The following CUEDC1 variants were observed in gnomAD, a reference collection of about 807,000 sequenced individuals.
CUEDC1 encodes the protein CUE domain-containing protein 1.
A neutral mutation model predicts 43.7 loss-of-function variants in CUEDC1; 30 were observed. The observed-to-expected ratio is 0.69, with a 90% CI of 0.51 to 0.93. The LOEUF (loss-of-function observed/expected upper bound fraction) is 0.93. Ranked by LOEUF, CUEDC1 falls within the 40% of genes least tolerant of loss-of-function variation. CUEDC1 has a pLI of 0.00. For synonymous variants in CUEDC1, 223 were observed against 223.6 expected (o/e 1.00, Z 0.02); for missense variants, 486 against 549.0 (o/e 0.89, Z 1.15).
Position 57,885,572 on chromosome 17 carries a change from AGCC to A in CUEDC1, c.-11_-9del, listed in dbSNP as rs2074279317. The A allele has an allele frequency of 1.1e-5, 15 of 1,349,780 alleles. No homozygotes were observed. Among genetic ancestry groups the A allele is most frequent in the Non-Finnish European group, 1.4e-5 (15 of 1,057,448 alleles). The allele number at this position is 1,349,780 out of a possible 1,614,324, so 83.6% of individuals were successfully genotyped here. On this transcript the variant is annotated 5_prime_UTR_variant, in exon 2 of 11. Transcript: ENST00000577830. ...GCGGAACAGGCTGGTCATTTTGCGG[AGCC>A]GCTTGGGGAAAATGTTTCTAGCCGG...
intron 1 of CUEDC1, among the ~76,000 whole-genome samples, chr17:57,901,786 A>C (rs1373235856): frequency 6.6e-6 from 1 of 152,252 alleles, no homozygotes; most frequent in Non-Finnish European, 1.5e-5. Flanking sequence ...GGATATGAGA[A>C]AACAGCATGA....
At chr17:57,944,456 C>T (rs1328229444) in intron 1 of CUEDC1, among the ~76,000 whole-genome samples, 1 of 152,108 alleles carries the variant, frequency 6.6e-6, no homozygotes, top group African/African-American at 2.4e-5. Context: ...GTGATCTGCC[C>T]GCCTTGGCCT....
At chr17:57,873,400 G>A (rs981534185) in intron 4 of CUEDC1, among the ~76,000 whole-genome samples, 191 bp downstream of exon 4, 3 of 152,184 alleles carry the variant, frequency 2.0e-5, no homozygotes, top group Admixed American at 2.0e-4. Flanking sequence ...GGATAGAACA[G>A]GAAACCTCCA....
At chr17:57,934,577 A>G (rs1455543714) in intron 1 of CUEDC1, among the ~76,000 whole-genome samples, 1 of 145,222 alleles carries the variant, frequency 6.9e-6, no homozygotes, top group African/African-American at 2.8e-5. Context: ...AAAAAAAAAA[A>G]AAAAAAAAAG....
chr17:57,947,791 A>G (rs1213062231), intron 1 of CUEDC1, among the ~76,000 whole-genome samples: 2 of 152,178 alleles, frequency 1.3e-5, no homozygotes. Context: ...TGAAAGAGCA[A>G]GACCCTGTCT....
At chr17:57,926,194 T>C (rs2074745696) in intron 1 of CUEDC1, among the ~76,000 whole-genome samples, 1 of 152,058 alleles carries the variant, frequency 6.6e-6, no homozygotes, top group Non-Finnish European at 1.5e-5. Flanking sequence ...AAATGCCAGT[T>C]CTCCAGGGGT....
chr17:57,867,482 C>T (rs1281742370), intron 8 of CUEDC1, 67 bp from the exon 9 acceptor site: 11 of 1,397,306 alleles, frequency 7.9e-6, no homozygotes, highest in Non-Finnish European at 1.1e-5. Context: ...CCCAGTCCCA[C>T]TGACTCTCTG....
At chr17:57,873,518 G>T in intron 4 of CUEDC1, 73 bp downstream of exon 4, 1 of 1,453,410 alleles carries the variant, frequency 6.9e-7, no homozygotes, top group Non-Finnish European at 9.2e-7. Flanking sequence ...AAACTGGCTG[G>T]CACAAATTGT....
chr17:57,870,843 A>G (rs2074024943), intron 6 of CUEDC1, among the ~76,000 whole-genome samples: 1 of 152,008 alleles, frequency 6.6e-6, no homozygotes, highest in African/African-American at 2.4e-5. Flanking sequence ...TGCCCAGCTA[A>G]TTTTTAGTAC....
chr17:57,880,224 T>A (rs2074185648), intron 2 of CUEDC1, among the ~76,000 whole-genome samples: 1 of 152,246 alleles, frequency 6.6e-6, no homozygotes, highest in South Asian at 2.1e-4. Context: ...GTACCCATGC[T>A]ATTCTTTGAT....
chr17:57,945,950 G>A (rs553034666), intron 1 of CUEDC1, among the ~76,000 whole-genome samples: 3 of 151,912 alleles, frequency 2.0e-5, no homozygotes, highest in Admixed American at 2.0e-4. Flanking sequence ...ACTTGAACCC[G>A]GGCGGGTGGA....
intron 1 of CUEDC1, among the ~76,000 whole-genome samples, chr17:57,897,183 A>G (rs2074420017): frequency 6.6e-6 from 1 of 152,214 alleles, no homozygotes; most frequent in South Asian, 2.1e-4. Flanking sequence ...TATACTTGGC[A>G]TGCATTATCT....
Position 57,906,283 on chromosome 17 carries a change from G to C in CUEDC1, c.-315-20404C>G, listed in dbSNP as rs2074529132. ...TGGAATATTACTCAGCCACAAAAAG[G>C]AATGAAATGCTGACACATGCTACAA... On this transcript the variant is annotated intron_variant, in intron 1 of 10. Coordinates refer to ENST00000577830, the MANE Select transcript of CUEDC1 (RefSeq NM_001271875.2). 2.6e-5 allele frequency among the ~76,000 whole-genome samples: 4 copies of C among 152,180 alleles called. No individual in the cohort carries two copies. The South Asian group carries it at 8.3e-4, about 32-fold the overall frequency.
chr17:57,883,495 G>A (rs899098811), intron 2 of CUEDC1, among the ~76,000 whole-genome samples: 2 of 152,136 alleles, frequency 1.3e-5, no homozygotes, highest in Non-Finnish European at 2.9e-5. Context: ...AGGCCGAGGC[G>A]GGCAGATCAC....
chr17:57,925,646 ACC>A (rs1463796821), intron 1 of CUEDC1, among the ~76,000 whole-genome samples: 1 of 152,040 alleles, frequency 6.6e-6, no homozygotes, highest in Non-Finnish European at 1.5e-5. Flanking sequence ...CAGTGCCGCC[ACC>A]CCCAAGCATG....
rs200706318 is a variant in CUEDC1 at position 57,873,579 on chromosome 17, G to A, written c.591+12C>T. 67 of 1,539,538 alleles carry A rather than the reference G, an allele frequency of 4.4e-5. No individual in the cohort carries two copies. Among genetic ancestry groups the A allele is most frequent in the South Asian group, 2.1e-4 (17 of 81,480 alleles). On this transcript the variant is annotated intron_variant, in intron 4 of 10. Transcript: ENST00000577830. The stretch of plus-strand genomic sequence containing the variant: ...GCAGGTGGGAGTGGAAGGCGGGGGC[G>A]GCCCCTGTTACCTGTATGCTGTCCA...
intron 1 of CUEDC1, among the ~76,000 whole-genome samples, chr17:57,893,607 C>T (rs2074379188): frequency 6.6e-6 from 1 of 150,772 alleles, no homozygotes; most frequent in Non-Finnish European, 1.5e-5. Context: ...AGCTGCTGGG[C>T]AGCCACACCT....
In CUEDC1 at chr17:57,864,444, C is replaced by T. The variant is rs533204131; in HGVS notation, c.*4-1159G>A. 1.1e-4 allele frequency among the ~76,000 whole-genome samples: 17 copies of T among 152,046 alleles called. No individual in the cohort carries two copies. The East Asian group carries it at 3.3e-3, about 29-fold the overall frequency. On this transcript the variant is annotated intron_variant, in intron 10 of 10. Coordinates refer to ENST00000577830, the MANE Select transcript of CUEDC1 (RefSeq NM_001271875.2). ...GGAGAGCCAGTATTTAGGGAGTGGG[C>T]GGAGCAACAGGAGCCAGGAGAGAGG...
intron 1 of CUEDC1, among the ~76,000 whole-genome samples, chr17:57,904,283 G>GGTT (rs2074505275): frequency 1.3e-5 from 2 of 152,024 alleles, no homozygotes; most frequent in African/African-American, 2.4e-5. Flanking sequence ...CATCCTCACG[G>GGTT]GCACCCAGCA....
Sources: allele counts gnomAD v4.1 joint callset (sites outside exome capture counted in the v4.1 genomes callset), GRCh38; gene constraint gnomAD v4.1.1; transcripts MANE v1.5; gene names NCBI Gene and HGNC (gene_info 2026-07-23, HGNC 2026-07-21).